Variants in ABHD3 observed in about 807,000 individuals in gnomAD.
ABHD3 encodes the protein phospholipase ABHD3.
Under a neutral mutation model 48.8 loss-of-function variants are expected in ABHD3, and 46 were observed. That is an observed-to-expected ratio of 0.94 (90% CI 0.74 to 1.20). The LOEUF (loss-of-function observed/expected upper bound fraction) is 1.20. Ranked by LOEUF, ABHD3 falls within the 50% of genes most tolerant of loss-of-function variation. ABHD3 has a pLI of 0.00. For synonymous variants in ABHD3, 192 were observed against 183.7 expected (o/e 1.04, Z -0.36); for missense variants, 490 against 497.8 (o/e 0.98, Z 0.15).
At chr18:21,688,583 C>G (rs1362334101) in intron 3 of ABHD3, among the ~76,000 whole-genome samples, 1 of 152,082 alleles carries the variant, frequency 6.6e-6, no homozygotes, top group South Asian at 2.1e-4. Flanking sequence ...AGGGTACAAT[C>G]TAGTTAGATT....
intron 4 of ABHD3, among the ~76,000 whole-genome samples, chr18:21,678,478 A>G (rs965270707): frequency 2.6e-5 from 4 of 152,082 alleles, no homozygotes; most frequent in African/African-American, 7.2e-5. Context: ...TTAGTTATAG[A>G]TCCTATAACT....
At chr18:21,657,180 AATCAAGATCATTCCTACTCCATC>A in intron 6 of ABHD3, 28 bp from the exon 7 acceptor site, 1 of 1,581,452 alleles carries the variant, frequency 6.3e-7, no homozygotes, top group Non-Finnish European at 8.6e-7. Flanking sequence ...CGGAAGTAAA[AATCAAGATCATTCCTACTCCATC>A]ATACTAAAAG....
intron 3 of ABHD3, among the ~76,000 whole-genome samples, chr18:21,700,360 G>A (rs2146339063): frequency 6.6e-6 from 1 of 151,482 alleles, no homozygotes; most frequent in African/African-American, 2.4e-5. Context: ...AAAGTGCTGG[G>A]ATTACAGGCG....
intron 5 of ABHD3, 142 bp from the exon 6 acceptor site, chr18:21,659,485 C>T (rs553716458): frequency 1.6e-5 from 12 of 729,462 alleles, no homozygotes; most frequent in African/African-American, 3.6e-5. Context: ...GAAAAGCATG[C>T]AAGCATCTTC....
At chr18:21,701,097 A>C (rs2040503311) in intron 3 of ABHD3, among the ~76,000 whole-genome samples, 1 of 152,132 alleles carries the variant, frequency 6.6e-6, no homozygotes, top group South Asian at 2.1e-4. Flanking sequence ...AGAGAATGTT[A>C]CTTCATGGAC....
At chr18:21,654,370 G>A (rs894270286) in intron 8 of ABHD3, among the ~76,000 whole-genome samples, 4 of 152,104 alleles carry the variant, frequency 2.6e-5, no homozygotes, top group African/African-American at 9.6e-5. Context: ...AAGAGAACTG[G>A]GGCCCTTCCA....
intron 3 of ABHD3, among the ~76,000 whole-genome samples, chr18:21,696,606 C>G (rs1201872079): frequency 2.6e-5 from 4 of 152,156 alleles, no homozygotes; most frequent in Admixed American, 2.6e-4. Flanking sequence ...ACTACTTTAT[C>G]AATCATATAG....
At chr18:21,668,200 CA>C (rs747590942) in intron 4 of ABHD3, among the ~76,000 whole-genome samples, 829 of 61,318 alleles carry the variant, frequency 0.014, 7 homozygotes, top group African/African-American at 0.047. Context: ...GAATCTATCT[CA>C]AAAAAAAAAA....
At chr18:21,693,714 A>G (rs1020840220) in intron 3 of ABHD3, among the ~76,000 whole-genome samples, 1 of 152,212 alleles carries the variant, frequency 6.6e-6, no homozygotes, top group African/African-American at 2.4e-5. Context: ...GCATTACTCA[A>G]TCTGGCTAGT....
At chr18:21,697,093 T>C (rs1481691035) in intron 3 of ABHD3, among the ~76,000 whole-genome samples, 2 of 150,872 alleles carry the variant, frequency 1.3e-5, no homozygotes, top group African/African-American at 2.4e-5. Context: ...TTTTTTTTTT[T>C]GAGCCAGAGT....
At chr18:21,699,363 T>C (rs2040455949) in intron 3 of ABHD3, among the ~76,000 whole-genome samples, 1 of 152,214 alleles carries the variant, frequency 6.6e-6, no homozygotes, top group African/African-American at 2.4e-5. Context: ...TCCGTCATAT[T>C]ACACAGCTTT....
At chr18:21,656,693 CTG>C (rs2039358498) in intron 8 of ABHD3, among the ~76,000 whole-genome samples, 166 bp downstream of exon 8, 1 of 152,100 alleles carries the variant, frequency 6.6e-6, no homozygotes, top group Non-Finnish European at 1.5e-5. Flanking sequence ...AGATAAGGGT[CTG>C]TGAAAATATT....
At chr18:21,700,842 AAAAAAAAT>A (rs1390445512) in intron 3 of ABHD3, among the ~76,000 whole-genome samples, 1 of 150,334 alleles carries the variant, frequency 6.7e-6, no homozygotes, top group African/African-American at 2.5e-5. Flanking sequence ...AAAAAAAAAA[AAAAAAAAT>A]GGAACCAGGC....
intron 3 of ABHD3, 135 bp downstream of exon 3, chr18:21,702,181 G>A: frequency 1.3e-6 from 1 of 756,474 alleles, no homozygotes; most frequent in Non-Finnish European, 2.0e-6. Flanking sequence ...AAAAAAGAAT[G>A]CAGAGAAAAA....
Position 21,703,590 on chromosome 18 carries a change from T to C in ABHD3, c.320A>G (p.Tyr107Cys). ...PFITSKPPVQ[Y>C]RNELIKTADG... Reference sequence around the variant, plus strand: ...AAAACGGAAATTCACTTACTTCCTGTACTGCACCGGGGGCTTCGAAGTGAT... The same window carrying C: ...AAAACGGAAATTCACTTACTTCCTGCACTGCACCGGGGGCTTCGAAGTGAT... The change falls in exon 2 of 9, where the codon TAC becomes TGC. Residue 107 changes from tyrosine to cysteine, a missense_variant. Tyr to Cys is a radical substitution (Grantham distance 194). Transcript: ENST00000289119. 1 of 1,610,746 alleles carries C rather than the reference T, an allele frequency of 6.2e-7. No homozygotes were observed. Among genetic ancestry groups the C allele is most frequent in the Non-Finnish European group, 8.5e-7 (1 of 1,177,188 alleles).
At chr18:21,697,009 C>T (rs146757105) in intron 3 of ABHD3, among the ~76,000 whole-genome samples, 48 of 152,214 alleles carry the variant, frequency 3.2e-4, no homozygotes, top group African/African-American at 1.2e-3. Flanking sequence ...ACTCAATCCA[C>T]CAGTGAAGAT....
intron 3 of ABHD3, among the ~76,000 whole-genome samples, chr18:21,689,606 C>CTATTAAAACA (rs1439317620): frequency 8.9e-6 from 1 of 112,376 alleles, no homozygotes; most frequent in Middle Eastern, 5.8e-3. Flanking sequence ...GCTTGAAGAA[C>CTATTAAAACA]TATTAAAACA....
At chr18:21,701,643 G>C (rs1046120730) in intron 3 of ABHD3, 1 of 151,852 alleles carries the variant, frequency 6.6e-6, no homozygotes, top group Non-Finnish European at 1.5e-5. Flanking sequence ...AAAAAGCTGA[G>C]GCACAAAAAA....
chr18:21,680,691 T>C (rs1235779002), intron 4 of ABHD3, among the ~76,000 whole-genome samples: 1 of 152,196 alleles, frequency 6.6e-6, no homozygotes. Context: ...TTTTCAAAAA[T>C]ACAATTAAAG....
Sources: allele counts gnomAD v4.1 joint callset (sites outside exome capture counted in the v4.1 genomes callset), GRCh38; gene constraint gnomAD v4.1.1; transcripts MANE v1.5; gene names NCBI Gene and HGNC (gene_info 2026-07-23, HGNC 2026-07-21).